PDE11A: variants seen among roughly 807,000 people sequenced by gnomAD.
The protein encoded by PDE11A is dual 3',5'-cyclic-AMP and -GMP phosphodiesterase 11A.
In PDE11A, 100 loss-of-function variants were observed where a neutral mutation model predicts 100.5. The observed-to-expected ratio is 1.00, with a 90% CI of 0.85 to 1.18. PDE11A has a LOEUF of 1.18. Ranked by LOEUF, PDE11A falls within the 50% of genes most tolerant of loss-of-function variation. The probability of loss-of-function intolerance (pLI) is 0.00; values close to 1 mark genes in which losing one functional copy is unlikely to be tolerated. For missense variants in PDE11A, 1,141 were observed against 1,152.6 expected, an observed-to-expected ratio of 0.99 and a Z score of 0.15; for synonymous variants, 381 against 420.8, an observed-to-expected ratio of 0.91 and a Z score of 1.16.
chr2:177,744,811 C>T (rs565151037), intron 10 of PDE11A, among the ~76,000 whole-genome samples: 3 of 152,256 alleles, frequency 2.0e-5, no homozygotes, highest in Admixed American at 6.5e-5. Context: ...CTCTCTCACA[C>T]GCACATGCAC....
chr2:177,760,221 T>C (rs1171817587), intron 10 of PDE11A, among the ~76,000 whole-genome samples: 1 of 152,178 alleles, frequency 6.6e-6, no homozygotes, highest in East Asian at 1.9e-4. Context: ...AGTGAGATAA[T>C]GGACATGTAC....
intron 10 of PDE11A, among the ~76,000 whole-genome samples, chr2:177,742,039 G>A (rs373272890): frequency 1.8e-3 from 252 of 138,166 alleles, no homozygotes; most frequent in Non-Finnish European, 2.0e-3. Flanking sequence ...TGTCTCTTAA[G>A]AAAAAAAAAA....
intron 2 of PDE11A, among the ~76,000 whole-genome samples, chr2:177,963,652 T>G (rs1294159767): frequency 6.8e-6 from 1 of 146,428 alleles, no homozygotes; most frequent in South Asian, 2.2e-4. Flanking sequence ...CCCTATTCTC[T>G]GCTTCTCTCT....
At chr2:178,045,108 A>G (rs1414082663) in intron 1 of PDE11A, among the ~76,000 whole-genome samples, 1 of 152,194 alleles carries the variant, frequency 6.6e-6, no homozygotes, top group African/African-American at 2.4e-5. Context: ...TTTTTCTAGA[A>G]TAAGTTGCTT....
chr2:177,922,351 G>A (rs1428443826), intron 2 of PDE11A, among the ~76,000 whole-genome samples: 1 of 152,054 alleles, frequency 6.6e-6, no homozygotes, highest in Non-Finnish European at 1.5e-5. Context: ...ACGAGTTAAT[G>A]GGTGCAGCAC....
At chr2:177,691,977 C>T (rs1331342020) in intron 15 of PDE11A, among the ~76,000 whole-genome samples, 2 of 152,128 alleles carry the variant, frequency 1.3e-5, no homozygotes, top group Non-Finnish European at 2.9e-5. Context: ...CTTGTAACTG[C>T]TGCTAATTGG....
At chr2:177,777,902 T>C (rs1319115217) in intron 9 of PDE11A, among the ~76,000 whole-genome samples, 1 of 152,228 alleles carries the variant, frequency 6.6e-6, no homozygotes, top group Non-Finnish European at 1.5e-5. Flanking sequence ...ATCTTTTGTG[T>C]TGGTATTAAT....
At chr2:177,988,897 G>A (rs529458632) in intron 2 of PDE11A, among the ~76,000 whole-genome samples, 3 of 152,132 alleles carry the variant, frequency 2.0e-5, no homozygotes, top group East Asian at 1.9e-4. Flanking sequence ...CTGTAGTCCC[G>A]TTATTTTTAC....
intron 2 of PDE11A, among the ~76,000 whole-genome samples, chr2:177,969,281 G>T (rs1054414911): frequency 6.6e-6 from 1 of 152,138 alleles, no homozygotes; most frequent in African/African-American, 2.4e-5. Flanking sequence ...TGGGAGGCAA[G>T]GGGAGGGATA....
At chr2:177,944,334 A>C (rs2085378514) in intron 2 of PDE11A, among the ~76,000 whole-genome samples, 1 of 152,240 alleles carries the variant, frequency 6.6e-6, no homozygotes, top group Non-Finnish European at 1.5e-5. Context: ...CCAAATAACC[A>C]ATAATCAAAA....
rs141068641 is a variant in PDE11A at position 177,834,381 on chromosome 2, C to T, written c.1500+5870G>A. Among the ~76,000 whole-genome samples the T allele has an allele frequency of 1.6e-3, 247 of 152,308 alleles. 2 individuals carry two copies. Among genetic ancestry groups the T allele is most frequent in the African/African-American group, 5.6e-3 (231 of 41,572 alleles). On this transcript the variant is annotated intron_variant, in intron 6 of 19. Transcript: ENST00000286063. Reference sequence around the variant, plus strand: ...CATCATTCTCAGGCATTGGAAATGTCGGCCTCAGTCAAACCCAGTCTTTTC... The same window carrying T: ...CATCATTCTCAGGCATTGGAAATGTTGGCCTCAGTCAAACCCAGTCTTTTC...
chr2:178,095,482 G>C (rs529253541), intron 2 of PDE11A, among the ~76,000 whole-genome samples: 7 of 152,336 alleles, frequency 4.6e-5, no homozygotes, highest in Admixed American at 2.0e-4. Flanking sequence ...CCCTGCTCCT[G>C]GCTGCTTTCA....
chr2:177,851,504 G>A (rs1398545048), intron 5 of PDE11A, among the ~76,000 whole-genome samples: 1 of 152,156 alleles, frequency 6.6e-6, no homozygotes, highest in Non-Finnish European at 1.5e-5. Flanking sequence ...CCTGCACGTT[G>A]TGCACATGTA....
In PDE11A at chr2:177,855,254, C is replaced by T. The variant is rs115535442; in HGVS notation, c.1368-14871G>A. On this transcript the variant is annotated intron_variant, in intron 5 of 19. Coordinates refer to ENST00000286063, the MANE Select transcript of PDE11A (RefSeq NM_016953.4). The stretch of plus-strand genomic sequence containing the variant: ...TAAGTTTGACTTACATTCCCTATTA[C>T]CTTGGACATAGAGAAATAAAAGAAA... 7.3e-3 allele frequency among the ~76,000 whole-genome samples: 1,103 copies of T among 152,042 alleles called. 13 individuals carry two copies. Among genetic ancestry groups the T allele is most frequent in the African/African-American group, 0.025 (1,027 of 41,470 alleles).
intron 3 of PDE11A, among the ~76,000 whole-genome samples, chr2:177,902,227 A>G (rs1574264985): frequency 6.6e-6 from 1 of 152,068 alleles, no homozygotes; most frequent in East Asian, 1.9e-4. Flanking sequence ...AACTGATACG[A>G]TATATTCTCC....
intron 6 of PDE11A, among the ~76,000 whole-genome samples, chr2:177,828,202 G>A (rs892460378): frequency 3.3e-5 from 5 of 152,054 alleles, no homozygotes; most frequent in Admixed American, 2.6e-4. Context: ...CATCTTTAGA[G>A]ATAGCAATTA....
Position 177,868,548 on chromosome 2 carries a change from A to C in PDE11A, c.1367+7311T>G, listed in dbSNP as rs572862486. 4.6e-5 allele frequency among the ~76,000 whole-genome samples: 7 copies of C among 152,362 alleles called. No homozygotes were observed. In the South Asian group the frequency reaches 1.4e-3, roughly 32 times the overall value. ...TCTATCATATACCATTCTTGAAGGA[A>C]AATGTAAAACTATACAAGTTGATTA... On this transcript the variant is annotated intron_variant, in intron 5 of 19. Transcript: ENST00000286063.
rs575950782 is a variant in PDE11A at position 177,756,289 on chromosome 2, T to G, written c.1788+13034A>C. ...ACTCCTCAGAGAACCGGAGTAAAGC[T>G]GTTTTCAAGAAGACCACTGATGGTT... On this transcript the variant is annotated intron_variant, in intron 10 of 19. Transcript: ENST00000286063. Among the ~76,000 whole-genome samples, 32 of 152,312 alleles carry G rather than the reference T, an allele frequency of 2.1e-4. No homozygotes were observed. The South Asian group carries it at 6.6e-3, about 32-fold the overall frequency.
intron 5 of PDE11A, among the ~76,000 whole-genome samples, chr2:177,843,032 G>T (rs1028592239): frequency 1.3e-5 from 2 of 152,138 alleles, no homozygotes; most frequent in African/African-American, 4.8e-5. Flanking sequence ...GAGAAAAGTG[G>T]TAATAAAGGG....
Sources: allele counts gnomAD v4.1 joint callset (sites outside exome capture counted in the v4.1 genomes callset), GRCh38; gene constraint gnomAD v4.1.1; transcripts MANE v1.5; gene names NCBI Gene and HGNC (gene_info 2026-07-23, HGNC 2026-07-21).